The following PPP2R3A variants were observed in gnomAD, a reference collection of about 807,000 sequenced individuals.
PPP2R3A encodes protein phosphatase 2 regulatory subunit B''alpha.
PPP2R3A carries 80 observed loss-of-function variants against 106.9 expected under a neutral mutation model. The observed-to-expected ratio is 0.75, with a 90% CI of 0.62 to 0.90. The LOEUF is 0.90. Among genes scored for constraint, PPP2R3A ranks in the 40% least tolerant of loss-of-function variants. PPP2R3A has a pLI of 0.00. For synonymous variants in PPP2R3A, 483 were observed against 468.3 expected, an observed-to-expected ratio of 1.03 and a Z score of -0.41; for missense variants, 1,386 against 1,350.4, an observed-to-expected ratio of 1.03 and a Z score of -0.41.
intron 4 of PPP2R3A, among the ~76,000 whole-genome samples, chr3:136,046,268 C>A (rs1266563471): frequency 6.6e-6 from 1 of 152,150 alleles, no homozygotes; most frequent in Non-Finnish European, 1.5e-5. Context: ...GCCTGGCCAA[C>A]ATGGTGAAAC....
At chr3:136,081,020 G>A (rs1390345342) in intron 7 of PPP2R3A, among the ~76,000 whole-genome samples, 1 of 151,676 alleles carries the variant, frequency 6.6e-6, no homozygotes, top group African/African-American at 2.4e-5. Context: ...TTGAGACGGA[G>A]TTTTGCCCTG....
Position 136,001,600 on chromosome 3 carries a change from C to G in PPP2R3A, c.102C>G (p.Thr34=), listed in dbSNP as rs745965855. 5.0e-6 allele frequency: 8 copies of G among 1,614,074 alleles called. No homozygotes were observed. The African/African-American group carries it at 1.1e-4, about 22-fold the overall frequency. ...FEQAIHYCTG[T]CHTFTHGIDC... is the part of the protein sequence containing the mutation. ...AAGCTATACATTATTGCACTGGAAC[C>G]TGCCACACCTTCACACATGGAATTG... Residue 34 remains threonine (T), a synonymous_variant, in exon 2 of 14, where the codon ACC becomes ACG. Transcript: ENST00000264977.
intron 1 of PPP2R3A, among the ~76,000 whole-genome samples, chr3:135,979,533 A>T (rs975058609): frequency 2.0e-5 from 3 of 151,832 alleles, no homozygotes; most frequent in Admixed American, 2.0e-4. Flanking sequence ...TGGGAACACG[A>T]TGTGTCATAT....
chr3:136,134,901 C>G (rs1938547366), intron 13 of PPP2R3A, among the ~76,000 whole-genome samples: 1 of 151,946 alleles, frequency 6.6e-6, no homozygotes, highest in Non-Finnish European at 1.5e-5. Context: ...TTCTGTGCAA[C>G]TAGATCATGT....
At chr3:135,980,537 G>A (rs890284169) in intron 1 of PPP2R3A, among the ~76,000 whole-genome samples, 3 of 151,634 alleles carry the variant, frequency 2.0e-5, no homozygotes, top group African/African-American at 7.3e-5. Flanking sequence ...CAGCTTTATT[G>A]CCCCAATAAA....
At chr3:136,089,469 GT>G (rs1472655428) in intron 9 of PPP2R3A, among the ~76,000 whole-genome samples, 1 of 152,046 alleles carries the variant, frequency 6.6e-6, no homozygotes, top group Non-Finnish European at 1.5e-5. Context: ...GTACCATGCT[GT>G]TTTGGATACA....
chr3:136,114,352 C>T (rs1178802992), intron 13 of PPP2R3A, among the ~76,000 whole-genome samples: 3 of 152,210 alleles, frequency 2.0e-5, no homozygotes, highest in Non-Finnish European at 2.9e-5. Flanking sequence ...CAGGCAGACA[C>T]CGAGCTTCAG....
intron 13 of PPP2R3A, among the ~76,000 whole-genome samples, chr3:136,113,813 A>G (rs1478087341): frequency 6.6e-6 from 1 of 151,650 alleles, no homozygotes; most frequent in Non-Finnish European, 1.5e-5. Context: ...AAAAAAAGAG[A>G]GAGACTTAAA....
chr3:136,125,971 C>T (rs1402946372), intron 13 of PPP2R3A, among the ~76,000 whole-genome samples: 3 of 152,114 alleles, frequency 2.0e-5, no homozygotes, highest in Admixed American at 6.5e-5. Context: ...TGATAAAGGA[C>T]ATCTGTAGTT....
chr3:136,072,832 T>C (rs1306345361), intron 6 of PPP2R3A, among the ~76,000 whole-genome samples: 1 of 152,262 alleles, frequency 6.6e-6, no homozygotes, highest in Non-Finnish European at 1.5e-5. Context: ...GTTTTCTTTA[T>C]GGTTCTAGTT....
chr3:135,985,178 C>A (rs1380284959), intron 1 of PPP2R3A, among the ~76,000 whole-genome samples: 1 of 152,104 alleles, frequency 6.6e-6, no homozygotes, highest in Non-Finnish European at 1.5e-5. Context: ...TGGACTAATA[C>A]ACCTAGCATG....
chr3:136,145,023 C>T lies in PPP2R3A; in HGVS notation c.3330-20C>T. 1 of 1,601,830 alleles carries T rather than the reference C, an allele frequency of 6.2e-7. No individual in the cohort carries two copies. The highest frequency in any genetic ancestry group is 1.1e-5 in the South Asian group (1 of 89,028). On this transcript the variant is annotated intron_variant, in intron 13 of 13. Transcript: ENST00000264977. Reference sequence around the variant, plus strand: ...TTTAATCAATCAATCAGTTAATTCACTTTTGCTTTGTTATTTCAGCTTTGA... The same window carrying T: ...TTTAATCAATCAATCAGTTAATTCATTTTTGCTTTGTTATTTCAGCTTTGA...
At chr3:135,972,088 C>T (rs1351975718) in intron 1 of PPP2R3A, among the ~76,000 whole-genome samples, 1 of 152,110 alleles carries the variant, frequency 6.6e-6, no homozygotes, top group Non-Finnish European at 1.5e-5. Flanking sequence ...TTTTCATCAC[C>T]CCAAAAGGAA....
At chr3:136,032,658 C>T (rs1240175489) in intron 3 of PPP2R3A, among the ~76,000 whole-genome samples, 1 of 152,048 alleles carries the variant, frequency 6.6e-6, no homozygotes, top group Non-Finnish European at 1.5e-5. Context: ...CCTCAGCCTC[C>T]CAAGTAGCTG....
In PPP2R3A at chr3:136,010,985, T is replaced by G. The variant is rs189540067; in HGVS notation, c.1995+7492T>G. Reference sequence around the variant, plus strand: ...TCTGCTCTTCTTCACTCCAGGGCTCTCTGAAAGAGCTGTTATTATTGTTTC... The same window carrying G: ...TCTGCTCTTCTTCACTCCAGGGCTCGCTGAAAGAGCTGTTATTATTGTTTC... On this transcript the variant is annotated intron_variant, in intron 2 of 13. Coordinates refer to ENST00000264977, the MANE Select transcript of PPP2R3A (RefSeq NM_002718.5). 3.0e-3 allele frequency among the ~76,000 whole-genome samples: 464 copies of G among 152,298 alleles called. 3 individuals are homozygous for G. The highest frequency in any genetic ancestry group is 0.011 in the African/African-American group (444 of 41,550).
chr3:136,043,518 G>A (rs1935368290), intron 4 of PPP2R3A, among the ~76,000 whole-genome samples: 1 of 152,080 alleles, frequency 6.6e-6, no homozygotes, highest in Admixed American at 6.5e-5. Flanking sequence ...ATGGGGTGGA[G>A]GCCTCAGTAT....
chr3:136,000,788 A>G (rs978375501), intron 1 of PPP2R3A, among the ~76,000 whole-genome samples: 4 of 152,208 alleles, frequency 2.6e-5, no homozygotes, highest in African/African-American at 7.2e-5. Context: ...GTGTAAATCT[A>G]AGCTTCTTAA....
chr3:136,133,616 A>G (rs991070412), intron 13 of PPP2R3A, among the ~76,000 whole-genome samples: 1 of 152,116 alleles, frequency 6.6e-6, no homozygotes, highest in Non-Finnish European at 1.5e-5. Flanking sequence ...TCTCACTCCT[A>G]GAAATCTACC....
Position 136,145,050 on chromosome 3 carries a change from G to A in PPP2R3A, c.3337G>A (p.Asp1113Asn). The A allele has an allele frequency of 1.9e-6, 3 of 1,610,798 alleles. No homozygotes were observed. The highest frequency in any genetic ancestry group is 2.5e-6 in the Non-Finnish European group (3 of 1,178,846). ...TTTGCTTTGTTATTTCAGCTTTGAA[G>A]ATTATGAAACAGATGAACCTGCCTC... ...AQAQFQEGFE[D>N]YETDEPASPS... The change falls in exon 14 of 14, where the codon GAT (aspartate) becomes AAT (asparagine). Residue 1113 changes from aspartate (D) to asparagine (N), a missense_variant. Physicochemically the swap from Asp to Asn is conservative, Grantham distance 23. Coordinates refer to ENST00000264977, the MANE Select transcript of PPP2R3A (RefSeq NM_002718.5).
Sources: allele counts gnomAD v4.1 joint callset (sites outside exome capture counted in the v4.1 genomes callset), GRCh38; gene constraint gnomAD v4.1.1; transcripts MANE v1.5; gene names NCBI Gene and HGNC (gene_info 2026-07-23, HGNC 2026-07-21).